Variants in TRPM3 observed in about 807,000 individuals in gnomAD.
TRPM3 encodes transient receptor potential cation channel subfamily M member 3.
A neutral mutation model predicts 181.2 loss-of-function variants in TRPM3; 77 were observed. The ratio of observed to expected loss-of-function variants is 0.42; its 90% CI spans 0.35 to 0.51. The LOEUF (loss-of-function observed/expected upper bound fraction) is 0.51, where lower values mean the gene tolerates loss of function less well. TRPM3 is among the 20% of genes least tolerant of loss of function. TRPM3 has a pLI of 0.01. For synonymous variants in TRPM3, 745 were observed against 796.4 expected (o/e 0.94, Z 1.09); for missense variants, 1,759 against 2,196.7 (o/e 0.80, Z 3.98).
intron 1 of TRPM3, among the ~76,000 whole-genome samples, chr9:71,291,530 A>G (rs1184807017): frequency 6.6e-6 from 1 of 152,144 alleles, no homozygotes; most frequent in Non-Finnish European, 1.5e-5. Context: ...TTATTAGCCA[A>G]ATATTAGCTG....
intron 1 of TRPM3, among the ~76,000 whole-genome samples, chr9:70,890,791 A>T (rs544184734): frequency 7.7e-4 from 117 of 152,234 alleles, no homozygotes; most frequent in African/African-American, 2.8e-3. Flanking sequence ...AGGAAAAAAC[A>T]TGGTATCTAA....
intron 9 of TRPM3, among the ~76,000 whole-genome samples, chr9:70,654,644 A>G (rs2060027353): frequency 6.6e-6 from 1 of 151,800 alleles, no homozygotes; most frequent in Admixed American, 6.6e-5. Flanking sequence ...TCTAAGAATG[A>G]GGAGTAAACA....
intron 1 of TRPM3, among the ~76,000 whole-genome samples, chr9:71,312,118 A>G (rs1426505781): frequency 6.6e-6 from 1 of 152,170 alleles, no homozygotes; most frequent in East Asian, 1.9e-4. Flanking sequence ...CATAGTCAAG[A>G]GAATGAGAAG....
At chr9:70,579,068 A>T (rs930406895) in intron 22 of TRPM3, 1 of 152,202 alleles carries the variant, frequency 6.6e-6, no homozygotes, top group African/African-American at 2.4e-5. Flanking sequence ...GATCATAAGT[A>T]AGCATGTTTG....
chr9:71,405,545 G>A (rs1253946330), intron 1 of TRPM3, among the ~76,000 whole-genome samples: 1 of 151,976 alleles, frequency 6.6e-6, no homozygotes, highest in East Asian at 1.9e-4. Context: ...AAACAGATGT[G>A]TCTCTTCCTT....
rs141794519 is a variant in TRPM3, at chr9:70,827,837, C to T, written c.973+10G>A. On this transcript the variant is annotated intron_variant, in intron 6 of 25. Transcript: ENST00000677713. The stretch of plus-strand genomic sequence containing the variant: ...TACGAGCCATGCCAGTGGGAACAAC[C>T]GCTACTTACTTGTGTTTATCTTCTG... 3.3e-4 allele frequency: 532 copies of T among 1,612,780 alleles called. No homozygotes were observed. The African/African-American group carries it at 5.4e-3, about 16-fold the overall frequency.
intron 1 of TRPM3, among the ~76,000 whole-genome samples, chr9:71,047,994 T>C (rs909265214): frequency 2.6e-5 from 4 of 152,184 alleles, no homozygotes; most frequent in African/African-American, 7.2e-5. Context: ...AATAAACGAA[T>C]GAATGTAGGA....
At chr9:71,201,108 T>G (rs1183279544) in intron 1 of TRPM3, among the ~76,000 whole-genome samples, 8 of 151,730 alleles carry the variant, frequency 5.3e-5, no homozygotes, top group African/African-American at 9.7e-5. Context: ...GTCTGTAAAG[T>G]ATTTTATTTC....
At chr9:71,006,146 T>C (rs1406159957) in intron 1 of TRPM3, among the ~76,000 whole-genome samples, 1 of 152,196 alleles carries the variant, frequency 6.6e-6, no homozygotes, top group Non-Finnish European at 1.5e-5. Context: ...AAGATGTTTA[T>C]AGTTAGCCCC....
At chr9:71,099,338 T>C (rs2067891211) in intron 1 of TRPM3, among the ~76,000 whole-genome samples, 1 of 152,164 alleles carries the variant, frequency 6.6e-6, no homozygotes, top group Admixed American at 6.6e-5. Context: ...TTCCACCTTC[T>C]AATATCAACA....
intron 1 of TRPM3, among the ~76,000 whole-genome samples, chr9:71,246,941 CA>C (rs1042031677): frequency 6.6e-6 from 1 of 152,108 alleles, no homozygotes; most frequent in African/African-American, 2.4e-5. Flanking sequence ...TAAAAACTAG[CA>C]AAATGGAAAC....
At chr9:70,632,680 T>C (rs753619720) in intron 12 of TRPM3, among the ~76,000 whole-genome samples, 2 of 152,086 alleles carry the variant, frequency 1.3e-5, no homozygotes, top group African/African-American at 2.4e-5. Context: ...TGCATGCTTA[T>C]ATAATGATTT....
rs557499444 is a variant in TRPM3, at chr9:70,871,683, T to C, written c.178-7172A>G. 1.1e-4 allele frequency among the ~76,000 whole-genome samples: 16 copies of C among 152,142 alleles called. No individual in the cohort carries two copies. The South Asian group carries it at 3.1e-3, about 30-fold the overall frequency. ...CTAGGCCACACTGTCCATATAGATC[T>C]GCATAAAATCTTGTGCATCACCTGA... is the stretch of plus-strand genomic sequence containing the variant. On this transcript the variant is annotated intron_variant, in intron 1 of 25. Coordinates refer to ENST00000677713, the MANE Select transcript of TRPM3 (RefSeq NM_001366145.2).
chr9:70,928,707 A>G (rs1370834342), intron 1 of TRPM3, among the ~76,000 whole-genome samples: 1 of 152,192 alleles, frequency 6.6e-6, no homozygotes, highest in Non-Finnish European at 1.5e-5. Flanking sequence ...AGAAATCAGG[A>G]GGCCCTGAGG....
chr9:70,662,943 T>C (rs777922358), intron 9 of TRPM3, among the ~76,000 whole-genome samples: 1 of 152,268 alleles, frequency 6.6e-6, no homozygotes, highest in Middle Eastern at 3.4e-3. Context: ...TACATGCATA[T>C]ATTTATTACA....
At chr9:70,647,319 A>C (rs538889268) in intron 9 of TRPM3, among the ~76,000 whole-genome samples, 108 of 152,334 alleles carry the variant, frequency 7.1e-4, no homozygotes, top group Non-Finnish European at 1.4e-3. Context: ...TGAATCCAGC[A>C]GCACATCAAA....
chr9:71,315,423 C>T (rs2088474071), intron 1 of TRPM3, among the ~76,000 whole-genome samples: 2 of 152,084 alleles, frequency 1.3e-5, no homozygotes, highest in Admixed American at 1.3e-4. Flanking sequence ...TCAAACTTCC[C>T]ATACATTTGA....
intron 22 of TRPM3, among the ~76,000 whole-genome samples, chr9:70,568,431 T>C (rs1434724735): frequency 6.6e-6 from 1 of 152,234 alleles, no homozygotes; most frequent in Non-Finnish European, 1.5e-5. Context: ...TTATAGAGGC[T>C]GATCATTAAG....
At chr9:71,051,120 G>T (rs924601542) in intron 1 of TRPM3, among the ~76,000 whole-genome samples, 2 of 152,134 alleles carry the variant, frequency 1.3e-5, no homozygotes, top group African/African-American at 4.8e-5. Context: ...TCTTCAACTT[G>T]AGCAGCTTGT....
Sources: gnomAD v4.1 joint callset for allele counts (sites outside exome capture counted in the v4.1 genomes callset) on GRCh38, gnomAD v4.1.1 for gene constraint, MANE v1.5 for transcripts, NCBI Gene and HGNC (gene_info 2026-07-23, HGNC 2026-07-21) for gene names.